Variants in SPIDR observed in about 807,000 individuals in gnomAD.
SPIDR encodes the protein scaffold protein involved in DNA repair, also known as DNA repair-scaffolding protein.
In SPIDR, 93 loss-of-function variants were observed where a neutral mutation model predicts 104.6. That is an observed-to-expected ratio of 0.89 (90% confidence interval 0.75 to 1.06). The LOEUF (loss-of-function observed/expected upper bound fraction) is 1.06, where lower values mean the gene tolerates loss of function less well. Ranked by LOEUF, SPIDR falls within the 50% of genes least tolerant of loss-of-function variation. SPIDR has a pLI of 0.00. For missense variants in SPIDR, 1,154 were observed against 1,111.2 expected (o/e 1.04, Z -0.55); for synonymous variants, 431 against 416.9 (o/e 1.03, Z -0.41).
Position 47,728,963 on chromosome 8 carries a change from G to T in SPIDR, c.2466G>T (p.Arg822=), listed in dbSNP as rs377584783. The T allele has an allele frequency of 1.9e-6, 3 of 1,613,662 alleles. No individual in the cohort carries two copies. The African/African-American group carries it at 4.0e-5, about 22-fold the overall frequency. The part of the protein sequence containing the change: ...RGAFSCGDCS[R]VVTSPVLKRH... ...CCTTTTCCTGTGGGGACTGCTCCCG[G>T]GTGGTCACATCTCCTGTTCTCAAGA... Residue 822 remains arginine (R), a synonymous_variant, in exon 18 of 20, where the codon CGG becomes CGT. Transcript: ENST00000297423.
intron 17 of SPIDR, 183 bp from the exon 18 acceptor site, chr8:47,728,750 T>C (rs1427666173): frequency 1.7e-6 from 1 of 598,612 alleles, no homozygotes; most frequent in Non-Finnish European, 2.8e-6. Context: ...TCGAAGCTAA[T>C]GTTCATCCCT....
At chr8:47,641,189 T>C (rs1236610313) in intron 10 of SPIDR, among the ~76,000 whole-genome samples, 1 of 152,114 alleles carries the variant, frequency 6.6e-6, no homozygotes, top group Non-Finnish European at 1.5e-5. Context: ...AGAGACAGGA[T>C]CTCACTGTCA....
chr8:47,720,025 C>T (rs2083175726), intron 16 of SPIDR, among the ~76,000 whole-genome samples: 1 of 152,222 alleles, frequency 6.6e-6, no homozygotes, highest in Non-Finnish European at 1.5e-5. Context: ...TCCCTCCCTC[C>T]CCACTGACTA....
intron 8 of SPIDR, among the ~76,000 whole-genome samples, chr8:47,538,025 A>C (rs2087252179): frequency 6.6e-6 from 1 of 152,018 alleles, no homozygotes; most frequent in Admixed American, 6.6e-5. Flanking sequence ...AAATACAAAA[A>C]TTAGTCAGGC....
At chr8:47,585,855 A>G (rs559727479) in intron 8 of SPIDR, among the ~76,000 whole-genome samples, 3 of 152,278 alleles carry the variant, frequency 2.0e-5, no homozygotes, top group Non-Finnish European at 2.9e-5. Flanking sequence ...TAATCCATTC[A>G]TGAGAGCAGA....
At chr8:47,555,294 T>C (rs1363903057) in intron 8 of SPIDR, among the ~76,000 whole-genome samples, 1 of 152,210 alleles carries the variant, frequency 6.6e-6, no homozygotes, top group Non-Finnish European at 1.5e-5. Flanking sequence ...AATGACTTTC[T>C]CAAAGAATTG....
chr8:47,560,727 C>G (rs1393781331), intron 8 of SPIDR, among the ~76,000 whole-genome samples: 1 of 152,220 alleles, frequency 6.6e-6, no homozygotes, highest in African/African-American at 2.4e-5. Flanking sequence ...CTTCTTTTGC[C>G]TTGCTGTTCT....
At chr8:47,563,450 A>G (rs1587800873) in intron 8 of SPIDR, among the ~76,000 whole-genome samples, 1 of 152,080 alleles carries the variant, frequency 6.6e-6, no homozygotes, top group East Asian at 1.9e-4. Flanking sequence ...GGGATTATAC[A>G]GGTGTGAGCC....
intron 19 of SPIDR, chr8:47,732,055 C>A (rs1229046506): frequency 1.5e-6 from 1 of 684,432 alleles, no homozygotes; most frequent in Non-Finnish European, 2.7e-6. Flanking sequence ...TGCCTGGCAT[C>A]CCTGGTCACC....
At chr8:47,396,778 C>A in intron 6 of SPIDR, 152 bp downstream of exon 6, 1 of 813,034 alleles carries the variant, frequency 1.2e-6, no homozygotes, top group Non-Finnish European at 1.9e-6. Flanking sequence ...AGGGTCATGG[C>A]TTTACTCATG....
chr8:47,592,523 T>C, intron 8 of SPIDR: 1 of 1,383,948 alleles, frequency 7.2e-7, no homozygotes, highest in Non-Finnish European at 1.0e-6. Context: ...GGCATTGCTC[T>C]CATCTGGTTC....
intron 11 of SPIDR, among the ~76,000 whole-genome samples, chr8:47,690,683 G>T (rs902194990): frequency 2.6e-5 from 4 of 152,100 alleles, no homozygotes; most frequent in African/African-American, 7.2e-5. Flanking sequence ...ACCAGGCATG[G>T]TGGCATGCGC....
chr8:47,554,825 C>T (rs375439523), intron 8 of SPIDR, among the ~76,000 whole-genome samples: 141 of 152,332 alleles, frequency 9.3e-4, no homozygotes, highest in South Asian at 5.2e-3. Flanking sequence ...TCTTCTGCGT[C>T]ATTCACGCTT....
intron 8 of SPIDR, among the ~76,000 whole-genome samples, chr8:47,552,354 T>G (rs2154397674): frequency 6.6e-6 from 1 of 152,332 alleles, no homozygotes; most frequent in East Asian, 1.9e-4. Flanking sequence ...TTGATCTGTC[T>G]AATATTTACA....
At chr8:47,317,636 A>C (rs996110608) in intron 5 of SPIDR, among the ~76,000 whole-genome samples, 1 of 152,116 alleles carries the variant, frequency 6.6e-6, no homozygotes, top group Non-Finnish European at 1.5e-5. Context: ...TGAGAACAGA[A>C]AGACTGCCTC....
chr8:47,595,884 A>C lies in SPIDR; in HGVS notation c.1171A>C (p.Lys391Gln). 7 of 1,614,238 alleles carry C rather than the reference A, an allele frequency of 4.3e-6. No homozygotes were observed. Among genetic ancestry groups the C allele is most frequent in the Non-Finnish European group, 5.9e-6 (7 of 1,180,030 alleles). Reference sequence around the variant, plus strand: ...TTACTTTTGTGAGAAAGTTGTTGCCAAAGAAGATTCAGAAAAAACTTGTGA... The same window carrying C: ...TTACTTTTGTGAGAAAGTTGTTGCCCAAGAAGATTCAGAAAAAACTTGTGA... ...NTYFCEKVVA[K>Q]EDSEKTCEVY... Residue 391 changes from lysine to glutamine, a missense_variant, in exon 9 of 20, where the codon AAA becomes CAA. Coordinates refer to ENST00000297423, the MANE Select transcript of SPIDR (RefSeq NM_001080394.4).
intron 5 of SPIDR, among the ~76,000 whole-genome samples, chr8:47,390,961 A>G (rs1350083224): frequency 6.6e-6 from 1 of 152,106 alleles, no homozygotes; most frequent in Non-Finnish European, 1.5e-5. Context: ...ATTTCTGACT[A>G]TTCCCTCTCT....
intron 8 of SPIDR, among the ~76,000 whole-genome samples, chr8:47,578,688 G>GA (rs2059395681): frequency 6.6e-6 from 1 of 151,814 alleles, no homozygotes; most frequent in Non-Finnish European, 1.5e-5. Context: ...ATCTAAATTA[G>GA]AAAAAAATGC....
intron 11 of SPIDR, among the ~76,000 whole-genome samples, chr8:47,685,509 A>ATTTTTTTTTTTTTTT (rs79918303): frequency 1.9e-5 from 2 of 106,862 alleles, no homozygotes; most frequent in Non-Finnish European, 4.6e-5. Context: ...TTATTTATTT[A>ATTTTTTTTTTTTTTT]TTTATTTATT....
Sources: gnomAD v4.1 joint callset for allele counts (sites outside exome capture counted in the v4.1 genomes callset) on GRCh38, gnomAD v4.1.1 for gene constraint, MANE v1.5 for transcripts, NCBI Gene and HGNC (gene_info 2026-07-23, HGNC 2026-07-21) for gene names.